The following ANXA1 variants were observed in gnomAD, a reference collection of about 807,000 sequenced individuals.
ANXA1 encodes the protein annexin A1, also known as annexin I (lipocortin I).
In ANXA1, 39 loss-of-function variants were observed where a neutral mutation model predicts 47.9. That is an observed-to-expected ratio of 0.81 (90% CI 0.63 to 1.06). The LOEUF (loss-of-function observed/expected upper bound fraction) is 1.06, where lower values mean the gene tolerates loss of function less well. Among genes scored for constraint, ANXA1 ranks in the 50% least tolerant of loss-of-function variants. The probability of loss-of-function intolerance (pLI) is 0.00; values close to 1 mark genes in which losing one functional copy is unlikely to be tolerated. For synonymous variants in ANXA1, 146 were observed against 142.5 expected (o/e 1.02, Z -0.17); for missense variants, 446 against 422.7 (o/e 1.06, Z -0.48).
chr9:73,166,137 C>G lies in ANXA1; in HGVS notation c.747C>G (p.Asn249Lys). 1 of 1,612,382 alleles carries G rather than the reference C, an allele frequency of 6.2e-7. No individual in the cohort carries two copies. The highest frequency in any genetic ancestry group is 8.5e-7 in the Non-Finnish European group (1 of 1,179,062). The change falls in exon 10 of 13, where the codon AAC becomes AAG. Residue 249 changes from asparagine (N) to lysine (K), a missense_variant. Physicochemically the swap from Asn to Lys is moderately conservative, Grantham distance 94. Coordinates refer to ENST00000257497, the MANE Select transcript of ANXA1 (RefSeq NM_000700.3). Reference protein sequence around the residue: ...KYTKYSKHDMNKVLDLELKGD... With the variant: ...KYTKYSKHDMKKVLDLELKGD... ...CCAAGTACAGTAAGCATGACATGAACAAAGTTCTGGACCTGGAGTTGAAAG... is the reference window on the plus strand; with the variant it reads ...CCAAGTACAGTAAGCATGACATGAAGAAAGTTCTGGACCTGGAGTTGAAAG...
chr9:73,156,864 G>A (rs1824055947), intron 1 of ANXA1, among the ~76,000 whole-genome samples: 1 of 151,968 alleles, frequency 6.6e-6, no homozygotes, highest in Non-Finnish European at 1.5e-5. Context: ...TGTAGACCTT[G>A]AGCAAGGCCT....
chr9:73,156,139 AATAAATAAT>A (rs1336765173), intron 1 of ANXA1, among the ~76,000 whole-genome samples: 4 of 126,190 alleles, frequency 3.2e-5, no homozygotes, highest in Admixed American at 3.0e-4. Flanking sequence ...AAATAATAAT[AATAAATAAT>A]ATAAATAAAT....
intron 1 of ANXA1, among the ~76,000 whole-genome samples, chr9:73,157,325 C>G (rs1824063295): frequency 6.6e-6 from 1 of 152,118 alleles, no homozygotes; most frequent in Non-Finnish European, 1.5e-5. Context: ...TCTGAATTCA[C>G]TTGTACAGAT....
chr9:73,160,753 T>C, intron 5 of ANXA1, 50 bp from the exon 6 acceptor site: 1 of 1,424,978 alleles, frequency 7.0e-7, no homozygotes, highest in Admixed American at 1.8e-5. Flanking sequence ...TTGATCCTCT[T>C]GCATGAAGAT....
intron 4 of ANXA1, 190 bp downstream of exon 4, chr9:73,159,613 C>T: frequency 2.1e-6 from 1 of 474,214 alleles, no homozygotes; most frequent in Non-Finnish European, 3.7e-6. Flanking sequence ...TATTTTTATA[C>T]ATTAGTCATC....
intron 6 of ANXA1, among the ~76,000 whole-genome samples, chr9:73,161,299 T>C (rs367619392): frequency 6.6e-6 from 1 of 152,166 alleles, no homozygotes; most frequent in East Asian, 1.9e-4. Context: ...AACAAAAAAA[T>C]CTCCTAACAA....
chr9:73,169,938 T>C (rs1368514894), intron 12 of ANXA1, 113 bp from the exon 13 acceptor site: 1 of 605,036 alleles, frequency 1.7e-6, no homozygotes, highest in Non-Finnish European at 2.7e-6. Flanking sequence ...AAGTGAATGG[T>C]AATGTGTAAT....
In ANXA1 at chr9:73,166,273, G is replaced by A. The variant is rs1824228402; in HGVS notation, c.802+81G>A. On this transcript the variant is annotated intron_variant, in intron 10 of 12. Coordinates refer to ENST00000257497, the MANE Select transcript of ANXA1 (RefSeq NM_000700.3). ...TATCCTATACTTAACAAGAACAACA[G>A]CAACAAAACCAATAAAAGAAAACAA... 39 of 972,374 alleles carry A rather than the reference G, an allele frequency of 4.0e-5. No individual in the cohort carries two copies. In the South Asian group the frequency reaches 4.1e-4, roughly 10 times the overall value. The allele number at this position is 972,374 out of a possible 1,614,324, so 60.2% of individuals were successfully genotyped here. A position where few individuals can be genotyped will look rare whatever the true frequency, so the allele number is the denominator to read the frequency against.
At position 73,170,321 on chromosome 9, in the gene ANXA1, T is replaced by C. The variant is rs555223035; in HGVS notation, c.*214T>C. On this transcript the variant is annotated 3_prime_UTR_variant, in exon 13 of 13. Transcript: ENST00000257497. ...GTTTTCCCCAAACCATAAAACCCTA[T>C]ACAAGTTGTTCTAGTAACAATACAT... 367 of 372,118 alleles carry C rather than the reference T, an allele frequency of 9.9e-4. No individual in the cohort carries two copies. Among genetic ancestry groups the C allele is most frequent in the Middle Eastern group, 5.0e-3 (7 of 1,394 alleles). 23.1% of individuals were successfully genotyped at this position (372,118 alleles called of 1,614,324 possible). A position where few individuals can be genotyped will look rare whatever the true frequency, so the allele number is the denominator to read the frequency against.
At chr9:73,167,022 G>T (rs1046752383) in intron 10 of ANXA1, among the ~76,000 whole-genome samples, 3 of 151,926 alleles carry the variant, frequency 2.0e-5, no homozygotes, top group African/African-American at 7.3e-5. Flanking sequence ...TTGTTCCATG[G>T]GTGTTCTGCA....
At chr9:73,163,155 A>G (rs973129710) in intron 7 of ANXA1, among the ~76,000 whole-genome samples, 2 of 152,042 alleles carry the variant, frequency 1.3e-5, no homozygotes, top group Non-Finnish European at 2.9e-5. Flanking sequence ...CTCGTTAACA[A>G]CCAGCTCTCG....
At chr9:73,164,762 A>G (rs1039584252) in intron 8 of ANXA1, among the ~76,000 whole-genome samples, 2 of 152,158 alleles carry the variant, frequency 1.3e-5, no homozygotes, top group Non-Finnish European at 2.9e-5. Context: ...ATTTATAAGT[A>G]ACATTTGCTG....
rs756551545 is a variant in ANXA1 at position 73,169,044 on chromosome 9, C to G, written c.874C>G (p.Arg292Gly). 1.9e-6 allele frequency: 3 copies of G among 1,610,766 alleles called. No individual in the cohort carries two copies. The highest frequency in any genetic ancestry group is 3.4e-5 in the Admixed American group (2 of 59,310). ...TTATTTTGGCCAGGGTGTTGGAACT[C>G]GCCATAAGGCATTGATCAGGATTAT... ...LHQAMKGVGT[R>G]HKALIRIMVS... is the part of the protein sequence containing the mutation. Residue 292 changes from arginine (R) to glycine (G), a missense_variant, in exon 12 of 13, where the codon CGC becomes GGC. Physicochemically the swap from Arg to Gly is moderately radical, Grantham distance 125 (BLOSUM62 -2). Transcript: ENST00000257497.
chr9:73,165,222 TTC>T lies in ANXA1; in HGVS notation c.706+15_706+16del. ...CAACTTCGCAGAGGTAACAATAAAT[TTC>T]TTTTTCTGGAATCTGTTTATGGAAG... On this transcript the variant is annotated intron_variant, in intron 9 of 12. Transcript: ENST00000257497. The T allele has an allele frequency of 6.2e-7, 1 of 1,607,372 alleles. No homozygotes were observed.
intron 5 of ANXA1, among the ~76,000 whole-genome samples, chr9:73,160,586 G>A (rs1824122764): frequency 6.6e-6 from 1 of 152,074 alleles, no homozygotes; most frequent in Non-Finnish European, 1.5e-5. Flanking sequence ...GTCACTATAT[G>A]AGTCATATAT....
At chr9:73,159,127 T>C (rs1425179002) in intron 3 of ANXA1, among the ~76,000 whole-genome samples, 1 of 152,226 alleles carries the variant, frequency 6.6e-6, no homozygotes, top group Non-Finnish European at 1.5e-5. Flanking sequence ...TAATTGTCTC[T>C]TCCTTTCTCA....
intron 1 of ANXA1, among the ~76,000 whole-genome samples, chr9:73,154,628 G>A (rs769152719): frequency 2.6e-5 from 4 of 152,084 alleles, no homozygotes; most frequent in Non-Finnish European, 5.9e-5. Context: ...TGGTAGAGAC[G>A]GGGTTTCGCC....
chr9:73,154,010 T>C (rs1257163939), intron 1 of ANXA1, among the ~76,000 whole-genome samples: 1 of 152,148 alleles, frequency 6.6e-6, no homozygotes, highest in Non-Finnish European at 1.5e-5. Flanking sequence ...AGATCAATGC[T>C]GATGAGTCAC....
In ANXA1 at chr9:73,158,420, G is replaced by A. The variant is rs1588218481; in HGVS notation, c.-14-102G>A. On this transcript the variant is annotated intron_variant, in intron 1 of 12. Transcript: ENST00000257497. ...ATTGATCCTGGAAAGTAAGCGCAAGGCTACTCTCTAATGCTAACTCTTATG... is the reference window on the plus strand; with the variant it reads ...ATTGATCCTGGAAAGTAAGCGCAAGACTACTCTCTAATGCTAACTCTTATG... The A allele has an allele frequency of 1.2e-4, 99 of 850,838 alleles. No individual in the cohort carries two copies. The South Asian group carries it at 1.5e-3, about 13-fold the overall frequency. 52.7% of individuals were successfully genotyped at this position (850,838 alleles called of 1,614,324 possible). A position where few individuals can be genotyped will look rare whatever the true frequency, so the allele number is the denominator to read the frequency against.
Sources: allele counts gnomAD v4.1 joint callset (sites outside exome capture counted in the v4.1 genomes callset), GRCh38; gene constraint gnomAD v4.1.1; transcripts MANE v1.5; gene names NCBI Gene and HGNC (gene_info 2026-07-23, HGNC 2026-07-21).